Variants in VPS54 observed in about 807,000 individuals in gnomAD.
VPS54 encodes the protein VPS54 subunit of GARP complex.
Under a neutral mutation model 121.5 loss-of-function variants are expected in VPS54, and 45 were observed. The ratio of observed to expected loss-of-function variants is 0.37; its 90% confidence interval spans 0.29 to 0.47. VPS54 has a LOEUF of 0.47. Ranked by LOEUF, VPS54 falls within the 20% of genes least tolerant of loss-of-function variation. The probability of loss-of-function intolerance (pLI) is 0.99; values close to 1 mark genes in which losing one functional copy is unlikely to be tolerated. For synonymous variants in VPS54, 371 were observed against 385.8 expected, an observed-to-expected ratio of 0.96 and a Z score of 0.45; for missense variants, 1,090 against 1,131.4, an observed-to-expected ratio of 0.96 and a Z score of 0.52.
chr2:63,991,739 G>GC (rs143718863), intron 1 of VPS54, among the ~76,000 whole-genome samples: 1,869 of 152,232 alleles, frequency 0.012, 17 homozygotes, highest in Non-Finnish European at 0.015. Flanking sequence ...CCAGTCCCAG[G>GC]CCCCAATATC....
At chr2:63,928,309 G>C (rs1460322487) in intron 12 of VPS54, among the ~76,000 whole-genome samples, 1 of 152,218 alleles carries the variant, frequency 6.6e-6, no homozygotes, top group African/African-American at 2.4e-5. Flanking sequence ...ACTAACAGCG[G>C]ATGTCTCTGC....
At chr2:63,921,172 T>C in intron 13 of VPS54, 34 bp downstream of exon 13, 1 of 1,577,090 alleles carries the variant, frequency 6.3e-7, no homozygotes, top group South Asian at 1.2e-5. Flanking sequence ...AATTATTACG[T>C]ATAAAATATA....
intron 1 of VPS54, among the ~76,000 whole-genome samples, chr2:63,995,543 C>A (rs780855623): frequency 6.6e-6 from 1 of 152,212 alleles, no homozygotes; most frequent in South Asian, 2.1e-4. Flanking sequence ...CCACCACTGC[C>A]GGAATGGCGT....
intron 11 of VPS54, among the ~76,000 whole-genome samples, chr2:63,939,958 A>G (rs1674644334): frequency 6.6e-6 from 1 of 152,082 alleles, no homozygotes; most frequent in African/African-American, 2.4e-5. Context: ...GGGTTTCACC[A>G]TATTGGCCAG....
At chr2:63,947,587 A>G in intron 8 of VPS54, 97 bp from the exon 9 acceptor site, 1 of 1,047,686 alleles carries the variant, frequency 9.5e-7, no homozygotes, top group Non-Finnish European at 1.3e-6. Flanking sequence ...TTTGATCCTC[A>G]GATCTCTATC....
Position 63,949,018 on chromosome 2 carries a change from C to A in VPS54, c.1137+19G>T, listed in dbSNP as rs749336253. On this transcript the variant is annotated intron_variant, in intron 8 of 22. Coordinates refer to ENST00000272322, the MANE Select transcript of VPS54 (RefSeq NM_016516.3). ...GTTAAGCAATGGCATCAACTTCATT[C>A]CACAGTTAAAACACATACCTCTTCT... 5 of 1,606,316 alleles carry A rather than the reference C, an allele frequency of 3.1e-6. No homozygotes were observed. The East Asian group carries it at 1.1e-4, about 36-fold the overall frequency.
At chr2:64,000,290 C>T (rs1344969270) in intron 1 of VPS54, among the ~76,000 whole-genome samples, 1 of 152,080 alleles carries the variant, frequency 6.6e-6, no homozygotes, top group Non-Finnish European at 1.5e-5. Flanking sequence ...TTCTGAATTC[C>T]ATCTCTGTGT....
At chr2:63,920,184 T>C (rs1367987944) in intron 14 of VPS54, among the ~76,000 whole-genome samples, 189 bp from the exon 15 acceptor site, 3 of 152,130 alleles carry the variant, frequency 2.0e-5, no homozygotes, top group Admixed American at 1.3e-4. Flanking sequence ...AAAAGAATGA[T>C]GAAACAATTT....
At chr2:63,954,126 A>G (rs1464178203) in intron 7 of VPS54, among the ~76,000 whole-genome samples, 1 of 152,134 alleles carries the variant, frequency 6.6e-6, no homozygotes, top group Non-Finnish European at 1.5e-5. Flanking sequence ...ATTTCCTACT[A>G]AAAGAAAGTA....
intron 10 of VPS54, among the ~76,000 whole-genome samples, chr2:63,943,311 T>G (rs1674823970): frequency 6.6e-6 from 1 of 152,166 alleles, no homozygotes; most frequent in Admixed American, 6.5e-5. Flanking sequence ...TAAACGCAGC[T>G]TCAGTTAAGA....
intron 12 of VPS54, among the ~76,000 whole-genome samples, chr2:63,925,327 C>T (rs186331030): frequency 2.1e-4 from 32 of 152,160 alleles, no homozygotes; most frequent in Non-Finnish European, 4.0e-4. Context: ...AAAATTACTA[C>T]ACTTGCAACA....
chr2:63,971,507 T>C (rs776515350), intron 4 of VPS54, among the ~76,000 whole-genome samples: 4 of 152,236 alleles, frequency 2.6e-5, no homozygotes, highest in Non-Finnish European at 5.9e-5. Flanking sequence ...TTACAGTTCC[T>C]TGAATATTCT....
rs918762522 is a variant in VPS54 at position 63,944,517 on chromosome 2, C to A, written c.1301+83G>T. On this transcript the variant is annotated intron_variant, in intron 10 of 22. Coordinates refer to ENST00000272322, the MANE Select transcript of VPS54 (RefSeq NM_016516.3). ...CACACCTTAGTAAATAATTCCTTAA[C>A]GAAATCTACTTCGAATTATTCTAAT... The A allele has an allele frequency of 2.2e-6, 3 of 1,350,878 alleles. No individual in the cohort carries two copies. The African/African-American group carries it at 4.4e-5, about 20-fold the overall frequency. 83.7% of individuals were successfully genotyped at this position (1,350,878 alleles called of 1,614,324 possible). A position where few individuals can be genotyped will look rare whatever the true frequency, so the allele number is the denominator to read the frequency against.
chr2:64,005,173 G>A (rs1049720624), intron 1 of VPS54, among the ~76,000 whole-genome samples: 2 of 121,582 alleles, frequency 1.6e-5, no homozygotes, highest in Non-Finnish European at 1.6e-5. Flanking sequence ...GCACAATCTC[G>A]GCTCACTGCA....
chr2:63,954,762 A>T (rs1298497988), intron 7 of VPS54, among the ~76,000 whole-genome samples: 1 of 152,086 alleles, frequency 6.6e-6, no homozygotes, highest in East Asian at 1.9e-4. Context: ...CTAACTATCA[A>T]TTACAGAGAA....
At chr2:63,972,050 A>G (rs1676307437) in intron 4 of VPS54, 116 bp downstream of exon 4, 3 of 534,072 alleles carry the variant, frequency 5.6e-6, no homozygotes, top group Non-Finnish European at 9.0e-6. Context: ...AGGTTATAAA[A>G]ATTTTACTAG....
At chr2:63,916,443 C>CT (rs529895771) in intron 16 of VPS54, among the ~76,000 whole-genome samples, 52 of 152,232 alleles carry the variant, frequency 3.4e-4, no homozygotes, top group Non-Finnish European at 6.6e-4. Flanking sequence ...TAGACCTGTG[C>CT]TAAATGCTTT....
At chr2:63,971,686 C>T (rs528031883) in intron 4 of VPS54, among the ~76,000 whole-genome samples, 105 of 152,310 alleles carry the variant, frequency 6.9e-4, no homozygotes, top group African/African-American at 2.2e-3. Context: ...CCACACTGAA[C>T]TTACTCTTTA....
intron 7 of VPS54, among the ~76,000 whole-genome samples, chr2:63,960,543 AT>A (rs1301149619): frequency 6.6e-6 from 1 of 152,174 alleles, no homozygotes; most frequent in Non-Finnish European, 1.5e-5. Flanking sequence ...CAATTTGAGA[AT>A]TTGTGTTTGC....
Sources: gnomAD v4.1 joint callset for allele counts (sites outside exome capture counted in the v4.1 genomes callset) on GRCh38, gnomAD v4.1.1 for gene constraint, MANE v1.5 for transcripts, NCBI Gene and HGNC (gene_info 2026-07-23, HGNC 2026-07-21) for gene names.